The following PVT1 variants were observed in gnomAD, a reference collection of about 807,000 sequenced individuals.
PVT1 encodes the protein CXCR4/PVT1 fusion.
chr8:128,011,185 C>T (rs183082800), intron 4 of PVT1, among the ~76,000 whole-genome samples: 1 of 152,100 alleles, frequency 6.6e-6, no homozygotes, highest in Non-Finnish European at 1.5e-5. Flanking sequence ...TCAGCATATA[C>T]GAGTCATGTT....
intron 4 of PVT1, among the ~76,000 whole-genome samples, chr8:128,059,218 T>G (rs1813800627): frequency 6.6e-6 from 1 of 152,144 alleles, no homozygotes; most frequent in Admixed American, 6.5e-5. Context: ...CTTTGTACAA[T>G]TATGATAAGG....
intron 2 of PVT1, among the ~76,000 whole-genome samples, chr8:127,816,637 C>A (rs891505019): frequency 1.3e-5 from 2 of 151,974 alleles, no homozygotes; most frequent in Non-Finnish European, 2.9e-5. Flanking sequence ...GATTCTCCTG[C>A]CTCAGTCTCC....
chr8:127,939,251 C>A (rs1816315366), intron 3 of PVT1, among the ~76,000 whole-genome samples: 1 of 152,120 alleles, frequency 6.6e-6, no homozygotes, highest in Admixed American at 6.5e-5. Context: ...CCTTTCCCAA[C>A]CAGCACCTTG....
chr8:127,837,714 G>A (rs761895091), intron 2 of PVT1, among the ~76,000 whole-genome samples: 2 of 152,034 alleles, frequency 1.3e-5, no homozygotes, highest in Non-Finnish European at 1.5e-5. Flanking sequence ...ATTGTTTAGC[G>A]ATGGGGAAAC....
At chr8:127,904,828 CTT>C (rs2129831787) in intron 3 of PVT1, among the ~76,000 whole-genome samples, 1 of 152,290 alleles carries the variant, frequency 6.6e-6, no homozygotes, top group South Asian at 2.1e-4. Context: ...TATGGGCTCT[CTT>C]GTGTAAAAAT....
intron 3 of PVT1, among the ~76,000 whole-genome samples, chr8:127,901,569 C>T (rs1002659092): frequency 2.8e-4 from 43 of 152,030 alleles, no homozygotes; most frequent in Non-Finnish European, 4.6e-4. Flanking sequence ...TGATTTTTTT[C>T]TTTTCTTTTT....
chr8:127,980,284 G>A (rs906732479), intron 3 of PVT1, among the ~76,000 whole-genome samples: 9 of 152,180 alleles, frequency 5.9e-5, no homozygotes, highest in Non-Finnish European at 1.2e-4. Flanking sequence ...AGCACTGTGA[G>A]TAATTCATTT....
At chr8:127,977,429 T>G (rs1471207912) in intron 3 of PVT1, among the ~76,000 whole-genome samples, 1 of 152,170 alleles carries the variant, frequency 6.6e-6, no homozygotes, top group South Asian at 2.1e-4. Context: ...AGTTCAAAGG[T>G]TGGATTATTT....
intron 2 of PVT1, among the ~76,000 whole-genome samples, chr8:127,855,643 T>C (rs1252167293): frequency 6.6e-6 from 1 of 152,190 alleles, no homozygotes; most frequent in East Asian, 1.9e-4. Flanking sequence ...GAGAGCACCT[T>C]TCCCGGTGAA....
Position 127,900,556 on chromosome 8 carries a change from C to T in PVT1, n.782+9558C>T, listed in dbSNP as rs115380217. 6.2e-3 allele frequency among the ~76,000 whole-genome samples: 945 copies of T among 152,266 alleles called. 6 individuals carry two copies. The highest frequency in any genetic ancestry group is 0.024 in the Middle Eastern group (7 of 294). The stretch of plus-strand genomic sequence containing the variant: ...TTAAATTCTTAGGTAGGTGACATAA[C>T]GTATAAGATGTCTGCACTTTCCTCT... On this transcript the variant is annotated intron_variant and non_coding_transcript_variant, in intron 3 of 10. Coordinates refer to ENST00000651587, the Ensembl canonical transcript of PVT1.
chr8:127,951,566 T>G (rs934997222), intron 3 of PVT1, among the ~76,000 whole-genome samples: 25 of 152,170 alleles, frequency 1.6e-4, no homozygotes, highest in Non-Finnish European at 5.9e-5. Context: ...CTAAAAGGCG[T>G]GTAACAAAGG....
intron 5 of PVT1, among the ~76,000 whole-genome samples, chr8:128,085,287 A>G (rs1306036116): frequency 1.3e-5 from 2 of 152,282 alleles, no homozygotes; most frequent in South Asian, 2.1e-4. Flanking sequence ...GGCCCGGCTG[A>G]CATCTGACTA....
At chr8:127,887,806 G>T (rs111302042) in intron 2 of PVT1, among the ~76,000 whole-genome samples, 28,011 of 151,690 alleles carry the variant, frequency 0.18, 3,409 homozygotes, top group African/African-American at 0.31. Context: ...GGATTTACAG[G>T]CATGAGCCAC....
At chr8:128,031,322 A>C (rs530931295) in intron 4 of PVT1, among the ~76,000 whole-genome samples, 1 of 152,240 alleles carries the variant, frequency 6.6e-6, no homozygotes, top group South Asian at 2.1e-4. Context: ...AGGGCATTGT[A>C]GAACACAAAA....
chr8:128,029,299 T>C (rs890880521), intron 4 of PVT1, among the ~76,000 whole-genome samples: 1 of 148,576 alleles, frequency 6.7e-6, no homozygotes, highest in Non-Finnish European at 1.5e-5. Context: ...ATTTTTTGAC[T>C]TTTTTTTTGC....
chr8:127,884,661 C>T (rs1815504836), intron 2 of PVT1, among the ~76,000 whole-genome samples: 1 of 152,176 alleles, frequency 6.6e-6, no homozygotes, highest in African/African-American at 2.4e-5. Flanking sequence ...AAATTTTAGC[C>T]AACCCATTAC....
intron 3 of PVT1, among the ~76,000 whole-genome samples, chr8:127,927,743 G>A (rs1272458978): frequency 2.0e-5 from 3 of 152,178 alleles, no homozygotes; most frequent in African/African-American, 4.8e-5. Flanking sequence ...TCTGTAAGCC[G>A]TGCTGACCCC....
At chr8:128,062,772 T>G (rs1343512177) in intron 4 of PVT1, among the ~76,000 whole-genome samples, 1 of 152,224 alleles carries the variant, frequency 6.6e-6, no homozygotes, top group African/African-American at 2.4e-5. Context: ...ATTAAATTGT[T>G]GAGAAATTAC....
chr8:127,867,837 C>T (rs1285369557), intron 2 of PVT1, among the ~76,000 whole-genome samples: 1 of 152,092 alleles, frequency 6.6e-6, no homozygotes, highest in African/African-American at 2.4e-5. Flanking sequence ...GGTCACTCAC[C>T]CTCTGCCCCC....
Sources: allele counts gnomAD v4.1 joint callset (sites outside exome capture counted in the v4.1 genomes callset), GRCh38; gene constraint gnomAD v4.1.1; transcripts MANE v1.5; gene names NCBI Gene and HGNC (gene_info 2026-07-23, HGNC 2026-07-21).